The following NPAS3 variants were observed in gnomAD, a reference collection of about 807,000 sequenced individuals.
The protein encoded by NPAS3 is neuronal PAS domain-containing protein 3.
NPAS3 carries 14 observed loss-of-function variants against 73.1 expected under a neutral mutation model. That is an observed-to-expected ratio of 0.19 (90% CI 0.13 to 0.30). The LOEUF (loss-of-function observed/expected upper bound fraction) is 0.30, where lower values mean the gene tolerates loss of function less well. Among genes scored for constraint, NPAS3 ranks in the 10% least tolerant of loss-of-function variants. The pLI is 1.00. For synonymous variants in NPAS3, 620 were observed against 541.5 expected, an observed-to-expected ratio of 1.14 and a Z score of -2.01; for missense variants, 1,096 against 1,250.0, an observed-to-expected ratio of 0.88 and a Z score of 1.86.
chr14:33,215,539 A>G (rs1594416330), intron 3 of NPAS3, 113 bp downstream of exon 3: 1 of 1,204,012 alleles, frequency 8.3e-7, no homozygotes. Flanking sequence ...CTTTAAAGGG[A>G]TACAAATGTG....
chr14:33,667,778 A>G (rs766034911), intron 5 of NPAS3, among the ~76,000 whole-genome samples: 1 of 152,196 alleles, frequency 6.6e-6, no homozygotes, highest in Non-Finnish European at 1.5e-5. Flanking sequence ...GTGGTTAATC[A>G]TGGCGTGAAG....
chr14:33,455,189 C>A (rs2049971794), intron 4 of NPAS3, among the ~76,000 whole-genome samples: 1 of 152,140 alleles, frequency 6.6e-6, no homozygotes, highest in South Asian at 2.1e-4. Flanking sequence ...ACAAAACAAA[C>A]AAAGCTTTGG....
At chr14:33,782,721 G>A (rs2063014848) in intron 9 of NPAS3, among the ~76,000 whole-genome samples, 2 of 151,874 alleles carry the variant, frequency 1.3e-5, no homozygotes, top group Admixed American at 1.3e-4. Flanking sequence ...GAAAACTCTG[G>A]AAGAGTTATT....
intron 3 of NPAS3, among the ~76,000 whole-genome samples, chr14:33,352,115 A>G (rs1175916639): frequency 6.6e-6 from 1 of 152,218 alleles, no homozygotes; most frequent in African/African-American, 2.4e-5. Flanking sequence ...AGGAAGGGGA[A>G]AGGAGCTAAT....
At chr14:33,258,838 G>C (rs1448382664) in intron 3 of NPAS3, among the ~76,000 whole-genome samples, 5 of 151,976 alleles carry the variant, frequency 3.3e-5, no homozygotes, top group African/African-American at 1.2e-4. Context: ...TTTTGAGATG[G>C]AGTCTCGCTC....
intron 4 of NPAS3, among the ~76,000 whole-genome samples, chr14:33,500,730 A>C (rs1407306268): frequency 2.6e-5 from 4 of 151,988 alleles, no homozygotes; most frequent in African/African-American, 7.2e-5. Flanking sequence ...TTCTGAGGCA[A>C]ATCCCTGTCA....
At chr14:33,674,380 ACGAGAGTGACTT>A (rs1324538059) in intron 5 of NPAS3, among the ~76,000 whole-genome samples, 5 of 152,256 alleles carry the variant, frequency 3.3e-5, no homozygotes, top group African/African-American at 1.2e-4. Context: ...TCCATGCAAA[ACGAGAGTGACTT>A]CCTCATATTC....
At chr14:33,350,733 T>C (rs2045000666) in intron 3 of NPAS3, among the ~76,000 whole-genome samples, 1 of 152,246 alleles carries the variant, frequency 6.6e-6, no homozygotes, top group African/African-American at 2.4e-5. Context: ...CTGACTGCTG[T>C]AATGCTTTGC....
In NPAS3 at chr14:32,946,348, G is replaced by GCGCACA. The variant is rs1233572564; in HGVS notation, c.50+6983_50+6984insGCACAC. 8.3e-4 allele frequency among the ~76,000 whole-genome samples: 116 copies of GCGCACA among 139,402 alleles called. 1 individual carries two copies. Among genetic ancestry groups the GCGCACA allele is most frequent in the East Asian group, 5.4e-3 (26 of 4,816 alleles). 91.5% of individuals were successfully genotyped at this position (139,402 alleles called of 152,430 possible). A position where few individuals can be genotyped will look rare whatever the true frequency, so the allele number is the denominator to read the frequency against. ...CCATCCCCCCAACACACACACACGC[G>GCGCACA]CACACACACACACACACACACACAC... On this transcript the variant is annotated intron_variant, in intron 1 of 11. Transcript: ENST00000356141.
At chr14:33,663,025 C>T (rs549492840) in intron 5 of NPAS3, among the ~76,000 whole-genome samples, 4 of 151,966 alleles carry the variant, frequency 2.6e-5, no homozygotes, top group Non-Finnish European at 5.9e-5. Flanking sequence ...CATCTGCAAA[C>T]AGACAATATG....
At chr14:33,276,986 A>G (rs2041366018) in intron 3 of NPAS3, among the ~76,000 whole-genome samples, 1 of 152,108 alleles carries the variant, frequency 6.6e-6, no homozygotes, top group Non-Finnish European at 1.5e-5. Context: ...CCATACCTCC[A>G]CCAGAGCTTA....
At chr14:32,941,497 C>T (rs2036014417) in intron 1 of NPAS3, among the ~76,000 whole-genome samples, 2 of 151,166 alleles carry the variant, frequency 1.3e-5, no homozygotes, top group South Asian at 4.2e-4. Flanking sequence ...ACTTCATAGC[C>T]TGTGCATGAG....
intron 7 of NPAS3, among the ~76,000 whole-genome samples, chr14:33,769,252 C>T (rs1478929127): frequency 6.6e-6 from 1 of 152,122 alleles, no homozygotes; most frequent in Non-Finnish European, 1.5e-5. Context: ...AGAACTATAC[C>T]TTCAACTATC....
At chr14:33,503,976 T>C (rs2052640500) in intron 4 of NPAS3, among the ~76,000 whole-genome samples, 1 of 152,034 alleles carries the variant, frequency 6.6e-6, no homozygotes, top group Non-Finnish European at 1.5e-5. Flanking sequence ...CAACCTTATC[T>C]AGACGTTATG....
intron 4 of NPAS3, among the ~76,000 whole-genome samples, chr14:33,397,001 T>C (rs2138686087): frequency 6.6e-6 from 1 of 152,252 alleles, no homozygotes. Flanking sequence ...AAATATAAAA[T>C]GGTGGTGGCA....
At chr14:33,186,152 T>G (rs144652840) in intron 2 of NPAS3, among the ~76,000 whole-genome samples, 21 of 152,310 alleles carry the variant, frequency 1.4e-4, no homozygotes, top group Non-Finnish European at 2.1e-4. Context: ...GCTTTGCAAA[T>G]TAAGCCTTTA....
At chr14:33,778,536 G>A in exon 9 of NPAS3, 1 of 1,613,904 alleles carries the variant, frequency 6.2e-7, no homozygotes. Context: ...CATCCATGCT[G>A]AAGACGTGGA....
At chr14:33,388,189 GA>G (rs2046851285) in intron 4 of NPAS3, among the ~76,000 whole-genome samples, 1 of 152,178 alleles carries the variant, frequency 6.6e-6, no homozygotes, top group African/African-American at 2.4e-5. Flanking sequence ...AGGAGCTGTA[GA>G]AAAGTTGGCA....
At position 33,337,527 on chromosome 14, in the gene NPAS3, C is replaced by T. The variant is rs61972737; in HGVS notation, c.386-29659C>T. 6.8e-4 allele frequency among the ~76,000 whole-genome samples: 103 copies of T among 152,032 alleles called. 1 individual carries two copies. Among genetic ancestry groups the T allele is most frequent in the Non-Finnish European group, 1.2e-3 (83 of 67,932 alleles). The stretch of plus-strand genomic sequence containing the variant: ...ATTTTAAAATCAGGTAGTGTAAGTC[C>T]TATGACTTTGTTCTTTTTAAAAATT... On this transcript the variant is annotated intron_variant, in intron 3 of 11. Coordinates refer to ENST00000356141, the Ensembl canonical transcript of NPAS3.
Sources: allele counts gnomAD v4.1 joint callset (sites outside exome capture counted in the v4.1 genomes callset), GRCh38; gene constraint gnomAD v4.1.1; transcripts MANE v1.5; gene names NCBI Gene and HGNC (gene_info 2026-07-23, HGNC 2026-07-21).